Variants in PARD3 observed in about 807,000 individuals in gnomAD.
The protein encoded by PARD3 is par-3 family cell polarity regulator, also known as partitioning defective 3 homolog.
PARD3 carries 75 observed loss-of-function variants against 155.4 expected under a neutral mutation model. The ratio of observed to expected loss-of-function variants is 0.48; its 90% CI spans 0.40 to 0.58. The LOEUF (loss-of-function observed/expected upper bound fraction) is 0.58, where lower values mean the gene tolerates loss of function less well. Ranked by LOEUF, PARD3 falls within the 20% of genes least tolerant of loss-of-function variation. The pLI, the probability that PARD3 is intolerant of heterozygous loss-of-function variation, is 0.00. For synonymous variants in PARD3, 576 were observed against 610.5 expected (o/e 0.94, Z 0.83); for missense variants, 1,642 against 1,721.7 (o/e 0.95, Z 0.82).
chr10:34,427,218 C>T (rs1019656416), intron 5 of PARD3, among the ~76,000 whole-genome samples: 7 of 152,078 alleles, frequency 4.6e-5, no homozygotes, highest in African/African-American at 1.4e-4. Context: ...GCCTGTGGGC[C>T]GGGCATATTT....
chr10:34,437,715 G>A (rs1016444307), intron 5 of PARD3, among the ~76,000 whole-genome samples: 6 of 151,984 alleles, frequency 3.9e-5, no homozygotes, highest in South Asian at 2.1e-4. Context: ...AGTAAAATAC[G>A]TAATATTTTA....
chr10:34,487,051 C>T (rs1029752295), intron 3 of PARD3, among the ~76,000 whole-genome samples: 12 of 151,988 alleles, frequency 7.9e-5, no homozygotes, highest in African/African-American at 2.4e-4. Flanking sequence ...TCAGAATTTT[C>T]GGTCTGCTTG....
At chr10:34,431,631 T>C (rs2075904481) in intron 5 of PARD3, among the ~76,000 whole-genome samples, 1 of 150,838 alleles carries the variant, frequency 6.6e-6, no homozygotes, top group African/African-American at 2.4e-5. Context: ...TCCCAGCTAC[T>C]TGGGAGGCTG....
chr10:34,693,743 A>G (rs552523197), intron 2 of PARD3, among the ~76,000 whole-genome samples: 6 of 152,270 alleles, frequency 3.9e-5, no homozygotes, highest in African/African-American at 1.4e-4. Context: ...AGGCAGGAGG[A>G]TCACTTGAAC....
At chr10:34,539,272 T>TA (rs1222352803) in intron 2 of PARD3, among the ~76,000 whole-genome samples, 7 of 152,182 alleles carry the variant, frequency 4.6e-5, no homozygotes, top group African/African-American at 1.7e-4. Context: ...TGAGGACTCT[T>TA]AAGTTTTCAG....
chr10:34,511,787 A>C (rs1343505883), intron 3 of PARD3, among the ~76,000 whole-genome samples: 1 of 152,038 alleles, frequency 6.6e-6, no homozygotes, highest in Non-Finnish European at 1.5e-5. Flanking sequence ...TGTGCAGTGG[A>C]CAATCACAGT....
chr10:34,549,147 C>G (rs1478281165), intron 2 of PARD3, among the ~76,000 whole-genome samples: 1 of 152,182 alleles, frequency 6.6e-6, no homozygotes, highest in Non-Finnish European at 1.5e-5. Context: ...GATAATTCAA[C>G]TACTAGCAGT....
intron 2 of PARD3, among the ~76,000 whole-genome samples, chr10:34,614,228 T>TG (rs1223632605): frequency 1.3e-5 from 2 of 152,188 alleles, no homozygotes; most frequent in African/African-American, 4.8e-5. Flanking sequence ...CTACATGGGA[T>TG]GAAGGACTAA....
chr10:34,696,424 A>C lies in PARD3; in HGVS notation c.121-5T>G. Reference sequence around the variant, plus strand: ...CTGTATCCAGTAGTTTGGATCCTATACGAAAGAACAGAAACACTGAATATA... The same window carrying C: ...CTGTATCCAGTAGTTTGGATCCTATCCGAAAGAACAGAAACACTGAATATA... On this transcript the variant is annotated splice_region_variant and splice_polypyrimidine_tract_variant and intron_variant, in intron 1 of 24. Transcript: ENST00000374788. 1.3e-6 allele frequency: 2 copies of C among 1,561,768 alleles called. No individual in the cohort carries two copies.
intron 24 of PARD3, among the ~76,000 whole-genome samples, chr10:34,118,293 C>T (rs773729759): frequency 1.3e-5 from 2 of 152,178 alleles, no homozygotes; most frequent in Non-Finnish European, 2.9e-5. Context: ...CTTGGCTGAC[C>T]TGTATCCATG....
intron 22 of PARD3, among the ~76,000 whole-genome samples, chr10:34,184,278 T>A (rs1950390989): frequency 6.6e-6 from 1 of 152,214 alleles, no homozygotes; most frequent in Admixed American, 6.5e-5. Flanking sequence ...ATATCCAGGT[T>A]TGTTTCCCAC....
chr10:34,131,047 G>A (rs532174339), intron 23 of PARD3, among the ~76,000 whole-genome samples: 27 of 152,114 alleles, frequency 1.8e-4, no homozygotes, highest in Non-Finnish European at 3.5e-4. Context: ...GTGACAAAGC[G>A]AGACCTCATC....
intron 22 of PARD3, among the ~76,000 whole-genome samples, chr10:34,208,037 A>G (rs532006193): frequency 1.1e-4 from 17 of 152,348 alleles, no homozygotes; most frequent in African/African-American, 4.1e-4. Context: ...CAAAGCTTGA[A>G]TACTGTCTGT....
chr10:34,688,731 T>A (rs1466930423), intron 2 of PARD3, among the ~76,000 whole-genome samples: 1 of 152,192 alleles, frequency 6.6e-6, no homozygotes, highest in African/African-American at 2.4e-5. Flanking sequence ...AACAGAAAAC[T>A]TCCTCAGTGC....
At chr10:34,134,981 A>G (rs905997849) in intron 22 of PARD3, among the ~76,000 whole-genome samples, 4 of 152,234 alleles carry the variant, frequency 2.6e-5, no homozygotes, top group Non-Finnish European at 5.9e-5. Flanking sequence ...TTCATTAGCA[A>G]TAGTGACTCA....
At chr10:34,187,890 C>T (rs1282328344) in intron 22 of PARD3, among the ~76,000 whole-genome samples, 1 of 152,168 alleles carries the variant, frequency 6.6e-6, no homozygotes, top group Non-Finnish European at 1.5e-5. Flanking sequence ...TATACTATCT[C>T]TCTACCGTGG....
chr10:34,139,246 C>T (rs1309698028), intron 22 of PARD3, among the ~76,000 whole-genome samples: 2 of 152,188 alleles, frequency 1.3e-5, no homozygotes, highest in African/African-American at 4.8e-5. Flanking sequence ...TTTTCTTCAA[C>T]CCTGACTTTT....
chr10:34,360,024 T>C (rs773862020), intron 13 of PARD3, 47 bp downstream of exon 13: 1 of 1,452,806 alleles, frequency 6.9e-7, no homozygotes, highest in Non-Finnish European at 9.6e-7. Flanking sequence ...AGGGTTGAAA[T>C]TAAAATTTTT....
chr10:34,253,033 A>G (rs2133751023), intron 22 of PARD3, among the ~76,000 whole-genome samples: 1 of 152,326 alleles, frequency 6.6e-6, no homozygotes, highest in Non-Finnish European at 1.5e-5. Flanking sequence ...AAAAGCTGGA[A>G]ATCTTATTAA....
Sources: gnomAD v4.1 joint callset for allele counts (sites outside exome capture counted in the v4.1 genomes callset) on GRCh38, gnomAD v4.1.1 for gene constraint, MANE v1.5 for transcripts, NCBI Gene and HGNC (gene_info 2026-07-23, HGNC 2026-07-21) for gene names.